Variants in NTM observed in about 807,000 individuals in gnomAD.
NTM encodes IgLON family member 2.
A neutral mutation model predicts 42.1 loss-of-function variants in NTM; 13 were observed. The ratio of observed to expected loss-of-function variants is 0.31; its 90% CI spans 0.20 to 0.49. The LOEUF is 0.49. Among genes scored for constraint, NTM ranks in the 20% least tolerant of loss-of-function variants. The probability of loss-of-function intolerance (pLI) is 0.99; values close to 1 mark genes in which losing one functional copy is unlikely to be tolerated. For missense variants in NTM, 373 were observed against 452.8 expected, an observed-to-expected ratio of 0.82 and a Z score of 1.60; for synonymous variants, 187 against 179.2, an observed-to-expected ratio of 1.04 and a Z score of -0.35.
At chr11:131,509,250 T>A (rs1294865616) in intron 1 of NTM, among the ~76,000 whole-genome samples, 1 of 152,138 alleles carries the variant, frequency 6.6e-6, no homozygotes, top group Admixed American at 6.6e-5. Context: ...TTGGGGTTGC[T>A]TATGGGCTAG....
At position 131,710,413 on chromosome 11, in the gene NTM, A is replaced by G. The variant is rs1592656598; in HGVS notation, c.83-201151A>G. Among the ~76,000 whole-genome samples, 3 of 152,174 alleles carry G rather than the reference A, an allele frequency of 2.0e-5. No individual in the cohort carries two copies. In the South Asian group the frequency reaches 6.2e-4, roughly 32 times the overall value. ...CTCACCAAGCGGGTCCATGTTCCCC[A>G]TGGCTGAAGAGAGTAGGGGCAGGGA... is the stretch of plus-strand genomic sequence containing the variant. On this transcript the variant is annotated intron_variant, in intron 1 of 8. Coordinates refer to ENST00000683400, the MANE Select transcript of NTM (RefSeq NM_001352005.2).
chr11:131,861,361 G>T (rs1359540166), intron 1 of NTM, among the ~76,000 whole-genome samples: 1 of 152,162 alleles, frequency 6.6e-6, no homozygotes, highest in African/African-American at 2.4e-5. Flanking sequence ...GCAGTGAGGG[G>T]CTTGGGTGGC....
intron 1 of NTM, among the ~76,000 whole-genome samples, chr11:131,547,140 T>C (rs950784004): frequency 6.6e-6 from 1 of 152,014 alleles, no homozygotes; most frequent in African/African-American, 2.4e-5. Context: ...CTACATGGAG[T>C]TTCCAAGGTG....
intron 4 of NTM, among the ~76,000 whole-genome samples, chr11:132,259,736 T>G (rs1251753928): frequency 6.6e-6 from 1 of 151,396 alleles, no homozygotes; most frequent in East Asian, 1.9e-4. Context: ...CAGTTTTTTG[T>G]TTTTGTTTGT....
At chr11:131,835,941 G>T (rs1272714144) in intron 1 of NTM, among the ~76,000 whole-genome samples, 1 of 152,124 alleles carries the variant, frequency 6.6e-6, no homozygotes, top group Non-Finnish European at 1.5e-5. Flanking sequence ...TTGAGCAAAA[G>T]AAGTCAGACA....
chr11:131,519,940 T>G (rs917395177), intron 1 of NTM, among the ~76,000 whole-genome samples: 29 of 132,430 alleles, frequency 2.2e-4, no homozygotes, highest in African/African-American at 2.7e-4. Flanking sequence ...TTTTATTTCT[T>G]GGTTAGCACC....
At chr11:132,016,027 C>T (rs2073340259) in intron 2 of NTM, among the ~76,000 whole-genome samples, 1 of 151,214 alleles carries the variant, frequency 6.6e-6, no homozygotes, top group African/African-American at 2.4e-5. Flanking sequence ...CAGCTTTTCT[C>T]ATTCAGTATG....
At chr11:131,979,757 A>G (rs1382934297) in intron 2 of NTM, among the ~76,000 whole-genome samples, 1 of 152,258 alleles carries the variant, frequency 6.6e-6, no homozygotes, top group African/African-American at 2.4e-5. Flanking sequence ...GACATTTGAC[A>G]TCCACATTTG....
chr11:131,928,987 G>C (rs183487231), intron 2 of NTM, among the ~76,000 whole-genome samples: 42 of 152,274 alleles, frequency 2.8e-4, no homozygotes, highest in Non-Finnish European at 5.7e-4. Context: ...GTGTAGTTTA[G>C]AATCATTCAA....
intron 4 of NTM, among the ~76,000 whole-genome samples, chr11:132,305,520 C>G (rs2095045362): frequency 6.6e-6 from 1 of 152,094 alleles, no homozygotes; most frequent in African/African-American, 2.4e-5. Flanking sequence ...ACACCAATTG[C>G]CACACATATG....
At chr11:131,892,763 G>A (rs1268987441) in intron 1 of NTM, among the ~76,000 whole-genome samples, 5 of 152,228 alleles carry the variant, frequency 3.3e-5, no homozygotes, top group African/African-American at 4.8e-5. Flanking sequence ...ACCTTGCCCA[G>A]GCCAGCCCGG....
intron 1 of NTM, among the ~76,000 whole-genome samples, chr11:131,760,261 G>A (rs965277103): frequency 2.6e-5 from 4 of 152,214 alleles, no homozygotes; most frequent in Middle Eastern, 3.4e-3. Context: ...TGCATATTGC[G>A]GTTGATCATT....
chr11:131,581,149 C>T (rs1403511843), intron 1 of NTM, among the ~76,000 whole-genome samples: 1 of 152,226 alleles, frequency 6.6e-6, no homozygotes, highest in Non-Finnish European at 1.5e-5. Context: ...CTTCTCCTTA[C>T]AACTCAGAGA....
At chr11:131,514,006 T>C (rs2048580702) in intron 1 of NTM, among the ~76,000 whole-genome samples, 2 of 152,294 alleles carry the variant, frequency 1.3e-5, no homozygotes, top group East Asian at 3.9e-4. Flanking sequence ...TTTATGCTTC[T>C]AAGCCTTGGC....
At chr11:131,744,882 A>G (rs950117281) in intron 1 of NTM, among the ~76,000 whole-genome samples, 1 of 152,196 alleles carries the variant, frequency 6.6e-6, no homozygotes, top group Non-Finnish European at 1.5e-5. Flanking sequence ...TTCGTATCAC[A>G]TCTGAATCGC....
intron 2 of NTM, among the ~76,000 whole-genome samples, chr11:132,131,635 A>G (rs1237364167): frequency 6.6e-6 from 1 of 152,104 alleles, no homozygotes; most frequent in African/African-American, 2.4e-5. Context: ...ACACTAAGGA[A>G]GCTGCAGGAT....
intron 1 of NTM, among the ~76,000 whole-genome samples, chr11:131,873,628 T>TATATATACACATATATATATACACAC (rs2048103636): frequency 1.5e-5 from 2 of 129,122 alleles, no homozygotes; most frequent in Admixed American, 8.3e-5. Flanking sequence ...TATATACATA[T>TATATATACACATATATATATACACAC]ATATATACAC....
At chr11:132,249,917 A>G (rs902320983) in intron 4 of NTM, among the ~76,000 whole-genome samples, 5 of 152,222 alleles carry the variant, frequency 3.3e-5, no homozygotes, top group African/African-American at 4.8e-5. Flanking sequence ...TTAACAATCT[A>G]TTTTAAGATA....
intron 4 of NTM, among the ~76,000 whole-genome samples, chr11:132,225,789 G>A (rs2086122047): frequency 1.3e-5 from 2 of 152,078 alleles, no homozygotes; most frequent in South Asian, 4.2e-4. Context: ...GTATACATGT[G>A]CCATGGTGGT....
Sources: gnomAD v4.1 joint callset for allele counts (sites outside exome capture counted in the v4.1 genomes callset) on GRCh38, gnomAD v4.1.1 for gene constraint, MANE v1.5 for transcripts, NCBI Gene and HGNC (gene_info 2026-07-23, HGNC 2026-07-21) for gene names.